CALD1: variants seen among roughly 807,000 people sequenced by gnomAD.
CALD1 encodes caldesmon 1.
Under a neutral mutation model 99.9 loss-of-function variants are expected in CALD1, and 33 were observed. That is an observed-to-expected ratio of 0.33 (90% CI 0.25 to 0.44). CALD1 has a LOEUF of 0.44. Among genes scored for constraint, CALD1 ranks in the 20% least tolerant of loss-of-function variants. The pLI, the probability that CALD1 is intolerant of heterozygous loss-of-function variation, is 1.00. For missense variants in CALD1, 861 were observed against 962.1 expected, an observed-to-expected ratio of 0.89 and a Z score of 1.39; for synonymous variants, 310 against 325.0, an observed-to-expected ratio of 0.95 and a Z score of 0.50.
chr7:134,956,466 G>A (rs1346685368), intron 9 of CALD1, among the ~76,000 whole-genome samples: 5 of 152,188 alleles, frequency 3.3e-5, no homozygotes, highest in African/African-American at 1.2e-4. Flanking sequence ...TGTAAGAAGA[G>A]ACACAGAACC....
chr7:134,964,450 G>T lies in CALD1; in HGVS notation c.2296-856G>T, dbSNP rs142923861. On this transcript the variant is annotated intron_variant, in intron 13 of 14. Coordinates refer to ENST00000361675, the MANE Select transcript of CALD1 (RefSeq NM_033138.4). ...ACTTCAGAGTTACCCAAGCTGAGGC[G>T]AGAGTGAGCCTGAAAATAATATTGC... Among the ~76,000 whole-genome samples the T allele has an allele frequency of 7.9e-3, 1,209 of 152,256 alleles. 12 individuals carry two copies. The highest frequency in any genetic ancestry group is 0.014 in the Non-Finnish European group (932 of 68,000).
At chr7:134,934,679 C>T (rs188387427) in intron 5 of CALD1, among the ~76,000 whole-genome samples, 23 of 152,112 alleles carry the variant, frequency 1.5e-4, no homozygotes, top group African/African-American at 5.5e-4. Context: ...GTCAGGAGAT[C>T]GAGACCATCC....
chr7:134,730,769 CT>C, the CALD1 span, among the ~76,000 whole-genome samples: 1 of 152,110 alleles, frequency 6.6e-6, no homozygotes, highest in Non-Finnish European at 1.5e-5. Context: ...TTAAAATAGA[CT>C]TTTGGCTCTC....
intron 1 of CALD1, among the ~76,000 whole-genome samples, chr7:134,835,726 A>C (rs1175014193): frequency 6.6e-6 from 1 of 152,194 alleles, no homozygotes; most frequent in Non-Finnish European, 1.5e-5. Flanking sequence ...ATTTCTAAGT[A>C]CAACCTTTAT....
At chr7:134,716,136 T>C in the CALD1 span, among the ~76,000 whole-genome samples, 3 of 152,316 alleles carry the variant, frequency 2.0e-5, no homozygotes, top group East Asian at 3.9e-4. Context: ...TTGAACTTAC[T>C]GTACCTAGAA....
chr7:134,940,599 G>A (rs930087700), intron 6 of CALD1, among the ~76,000 whole-genome samples: 12 of 152,124 alleles, frequency 7.9e-5, no homozygotes, highest in African/African-American at 2.4e-4. Context: ...ACTGGTCTTC[G>A]CCAGAGTTGG....
chr7:134,791,087 ATAC>A (rs1797515266), intron 1 of CALD1, among the ~76,000 whole-genome samples: 1 of 129,878 alleles, frequency 7.7e-6, no homozygotes, highest in Non-Finnish European at 1.7e-5. Context: ...AAAATCAGAA[ATAC>A]TACTTATTAA....
intron 1 of CALD1, among the ~76,000 whole-genome samples, chr7:134,818,444 G>T (rs917170314): frequency 6.6e-6 from 1 of 152,120 alleles, no homozygotes; most frequent in Non-Finnish European, 1.5e-5. Flanking sequence ...AAGCATAGAT[G>T]CATTTTTATT....
At chr7:134,807,746 G>A (rs1798200504) in intron 1 of CALD1, among the ~76,000 whole-genome samples, 1 of 152,142 alleles carries the variant, frequency 6.6e-6, no homozygotes. Flanking sequence ...TCCTGCCTCA[G>A]CCTCCTGAGT....
At chr7:134,732,527 A>G in the CALD1 span, among the ~76,000 whole-genome samples, 1 of 152,204 alleles carries the variant, frequency 6.6e-6, no homozygotes, top group Non-Finnish European at 1.5e-5. Context: ...GGTGCCATCT[A>G]TAAGGAACAG....
At chr7:134,885,869 C>T (rs1186911655) in intron 3 of CALD1, among the ~76,000 whole-genome samples, 2 of 151,666 alleles carry the variant, frequency 1.3e-5, no homozygotes, top group Admixed American at 6.6e-5. Flanking sequence ...TCACCGAGAC[C>T]AGAACCAGAA....
At chr7:134,793,971 ATTC>A (rs1418793964) in intron 1 of CALD1, among the ~76,000 whole-genome samples, 1 of 151,830 alleles carries the variant, frequency 6.6e-6, no homozygotes, top group African/African-American at 2.4e-5. Flanking sequence ...CACCACTTCA[ATTC>A]TTCTTCTCCC....
intron 3 of CALD1, among the ~76,000 whole-genome samples, chr7:134,869,161 G>T (rs1800946252): frequency 6.6e-6 from 1 of 152,138 alleles, no homozygotes; most frequent in Non-Finnish European, 1.5e-5. Context: ...CTTGGTGGAG[G>T]TGAGCCATGG....
At chr7:134,874,972 CT>C (rs1402522488) in intron 3 of CALD1, among the ~76,000 whole-genome samples, 1 of 152,168 alleles carries the variant, frequency 6.6e-6, no homozygotes, top group African/African-American at 2.4e-5. Context: ...ATTCAAAATG[CT>C]TAGCATCAGG....
intron 3 of CALD1, among the ~76,000 whole-genome samples, chr7:134,899,445 C>T (rs558153611): frequency 1.4e-4 from 21 of 152,092 alleles, no homozygotes; most frequent in Non-Finnish European, 2.6e-4. Context: ...TCAGGTGATC[C>T]GCCCGCCTGG....
At chr7:134,908,349 TAAAAG>T (rs931116803) in intron 3 of CALD1, among the ~76,000 whole-genome samples, 14 of 152,176 alleles carry the variant, frequency 9.2e-5, no homozygotes, top group African/African-American at 3.4e-4. Flanking sequence ...TTTAAAATAA[TAAAAG>T]AAACAAAAAG....
chr7:134,819,268 C>T (rs7794696), intron 1 of CALD1, among the ~76,000 whole-genome samples: 62,608 of 151,988 alleles, frequency 0.41, 13,312 homozygotes, highest in East Asian at 0.65. Flanking sequence ...AGTCTTCCTT[C>T]ACATCTCACC....
chr7:134,842,782 T>A (rs1281318664), intron 1 of CALD1, among the ~76,000 whole-genome samples: 1 of 152,198 alleles, frequency 6.6e-6, no homozygotes, highest in African/African-American at 2.4e-5. Context: ...ATTTGTTTAA[T>A]CTAGAAAGGT....
chr7:134,734,717 TG>T, the CALD1 span, among the ~76,000 whole-genome samples: 1 of 152,188 alleles, frequency 6.6e-6, no homozygotes, highest in Non-Finnish European at 1.5e-5. Flanking sequence ...CAAACTTTCT[TG>T]CCTGCTGCCA....
Sources: gnomAD v4.1 joint callset for allele counts (sites outside exome capture counted in the v4.1 genomes callset) on GRCh38, gnomAD v4.1.1 for gene constraint, MANE v1.5 for transcripts, NCBI Gene and HGNC (gene_info 2026-07-23, HGNC 2026-07-21) for gene names.